Variants in GRM8 observed in about 807,000 individuals in gnomAD.
The protein encoded by GRM8 is glutamate metabotropic receptor 8.
A neutral mutation model predicts 87.2 loss-of-function variants in GRM8; 47 were observed. The observed-to-expected ratio is 0.54, with a 90% CI of 0.43 to 0.69. The LOEUF (loss-of-function observed/expected upper bound fraction) is 0.69. Ranked by LOEUF, GRM8 falls within the 30% of genes least tolerant of loss-of-function variation. The probability of loss-of-function intolerance (pLI) is 0.00; values close to 1 mark genes in which losing one functional copy is unlikely to be tolerated. For synonymous variants in GRM8, 396 were observed against 404.5 expected (o/e 0.98, Z 0.25); for missense variants, 1,019 against 1,139.2 (o/e 0.89, Z 1.52).
rs556407484 is a variant in GRM8, at chr7:127,075,133, C to T, written c.727+31363G>A. Among the ~76,000 whole-genome samples the T allele has an allele frequency of 1.1e-4, 17 of 152,290 alleles. No individual in the cohort carries two copies. In the South Asian group the frequency reaches 2.7e-3, roughly 24 times the overall value. On this transcript the variant is annotated intron_variant, in intron 3 of 10. Transcript: ENST00000339582. ...CCAGAGATTTCTGTGGTAAGAAATG[C>T]TGTCCATAGTTAAGTTCCTAGTAAA...
chr7:127,133,703 C>T (rs1423425639), intron 2 of GRM8, among the ~76,000 whole-genome samples: 1 of 64,134 alleles, frequency 1.6e-5, no homozygotes, highest in African/African-American at 7.4e-5. Context: ...AAGACTCCCT[C>T]TCCAAAAAAA....
intron 3 of GRM8, among the ~76,000 whole-genome samples, chr7:127,078,767 G>T (rs975624294): frequency 6.6e-6 from 1 of 152,186 alleles, no homozygotes; most frequent in African/African-American, 2.4e-5. Context: ...TCTAAATATT[G>T]CTAAAGCACA....
chr7:126,783,434 T>G (rs1315475441), intron 6 of GRM8, among the ~76,000 whole-genome samples: 1 of 152,186 alleles, frequency 6.6e-6, no homozygotes, highest in Non-Finnish European at 1.5e-5. Flanking sequence ...TAAAGTACAG[T>G]AAGGAAAACA....
chr7:126,728,379 G>C (rs1321995164), intron 7 of GRM8, among the ~76,000 whole-genome samples: 1 of 152,050 alleles, frequency 6.6e-6, no homozygotes, highest in African/African-American at 2.4e-5. Flanking sequence ...ACCCCAGCTG[G>C]CTGGCTCACA....
At chr7:126,568,733 A>T (rs1303856889) in intron 8 of GRM8, among the ~76,000 whole-genome samples, 1 of 152,174 alleles carries the variant, frequency 6.6e-6, no homozygotes, top group Non-Finnish European at 1.5e-5. Context: ...AAATAAAGGG[A>T]ATGATTCTTC....
At chr7:126,609,733 T>C (rs1167832175) in intron 7 of GRM8, among the ~76,000 whole-genome samples, 1 of 152,188 alleles carries the variant, frequency 6.6e-6, no homozygotes, top group East Asian at 1.9e-4. Context: ...AAGTAAATGA[T>C]GAGTATCCAA....
intron 6 of GRM8, among the ~76,000 whole-genome samples, chr7:126,899,104 A>AGTGTGTGTGTGT (rs71177573): frequency 0.077 from 10,775 of 140,192 alleles, 479 homozygotes; most frequent in African/African-American, 0.085. Context: ...ACTGGTTAAC[A>AGTGTGTGTGTGT]GTGTGTGTGT....
chr7:126,785,335 T>C (rs1820513555), intron 6 of GRM8, among the ~76,000 whole-genome samples: 1 of 152,142 alleles, frequency 6.6e-6, no homozygotes, highest in African/African-American at 2.4e-5. Flanking sequence ...ACTTCCTTAT[T>C]GCAATGCACA....
chr7:127,212,642 C>A (rs910084701), intron 2 of GRM8, among the ~76,000 whole-genome samples: 2 of 152,054 alleles, frequency 1.3e-5, no homozygotes, highest in Non-Finnish European at 2.9e-5. Context: ...TGGTCTCGAT[C>A]TCCTGACCTC....
chr7:126,773,151 T>C (rs563576844), intron 6 of GRM8, among the ~76,000 whole-genome samples: 2 of 152,238 alleles, frequency 1.3e-5, no homozygotes, highest in South Asian at 2.1e-4. Context: ...AGGTTGTTTG[T>C]ATTGCTGCTC....
At chr7:126,653,837 G>A (rs1804211891) in intron 7 of GRM8, among the ~76,000 whole-genome samples, 2 of 152,202 alleles carry the variant, frequency 1.3e-5, no homozygotes, top group Admixed American at 1.3e-4. Flanking sequence ...AGTAGTAACA[G>A]AGCCTATCCT....
intron 3 of GRM8, among the ~76,000 whole-genome samples, chr7:127,001,938 T>C (rs914703751): frequency 1.3e-5 from 2 of 151,698 alleles, no homozygotes; most frequent in Admixed American, 6.6e-5. Flanking sequence ...CAAAAAAAGA[T>C]AGGCACACTG....
chr7:126,791,243 A>G, intron 6 of GRM8, among the ~76,000 whole-genome samples: 1 of 152,216 alleles, frequency 6.6e-6, no homozygotes, highest in Non-Finnish European at 1.5e-5. Context: ...AAAAACACTT[A>G]ATTTGAGATG....
chr7:126,753,854 G>A (rs76805462), intron 7 of GRM8, among the ~76,000 whole-genome samples: 3,353 of 151,750 alleles, frequency 0.022, 52 homozygotes, highest in Non-Finnish European at 0.037. Flanking sequence ...CTACCCCTCC[G>A]AATCTACATT....
chr7:127,232,183 T>TTGTGTGTGTGTGTGTGTGTGTG lies in GRM8; in HGVS notation c.510+10490_510+10511dup, dbSNP rs71529431. Among the ~76,000 whole-genome samples, 1,124 of 129,540 alleles carry TTGTGTGTGTGTGTGTGTGTGTG rather than the reference T, an allele frequency of 8.7e-3. 13 individuals carry two copies. Among genetic ancestry groups the TTGTGTGTGTGTGTGTGTGTGTG allele is most frequent in the Admixed American group, 0.012 (150 of 12,504 alleles). 85.0% of individuals were successfully genotyped at this position (129,540 alleles called of 152,430 possible). On this transcript the variant is annotated intron_variant, in intron 2 of 10. Transcript: ENST00000339582. ...ACCTGCCATCAGTTCTGTTTCTTCTTTGTGTGTGTGTGTGTGTGTGTGTGT... is the reference window on the plus strand; with the variant it reads ...ACCTGCCATCAGTTCTGTTTCTTCTTTGTGTGTGTGTGTGTGTGTGTGTGTGTGTGTGTGTGTGTGTGTGTGT...
Position 127,038,011 on chromosome 7 carries a change from C to T in GRM8, c.727+68485G>A, listed in dbSNP as rs531503027. On this transcript the variant is annotated intron_variant, in intron 3 of 10. Coordinates refer to ENST00000339582, the MANE Select transcript of GRM8 (RefSeq NM_000845.3). ...ACAGTTACATATGAAATACATGTAT[C>T]ATTTTTGACTATTAATTCGTATGGC... Among the ~76,000 whole-genome samples, 16 of 152,250 alleles carry T rather than the reference C, an allele frequency of 1.1e-4. No homozygotes were observed. In the South Asian group the frequency reaches 3.3e-3, roughly 32 times the overall value.
chr7:126,470,284 C>T (rs1358117269), intron 9 of GRM8, among the ~76,000 whole-genome samples: 1 of 151,238 alleles, frequency 6.6e-6, no homozygotes, highest in Admixed American at 6.6e-5. Flanking sequence ...TGGGGTGCTG[C>T]ACCCATTAAC....
At chr7:126,655,110 G>T (rs1335004201) in intron 7 of GRM8, among the ~76,000 whole-genome samples, 1 of 152,148 alleles carries the variant, frequency 6.6e-6, no homozygotes, top group Non-Finnish European at 1.5e-5. Flanking sequence ...TTTTCAGGAA[G>T]AAAATGTGAT....
intron 3 of GRM8, among the ~76,000 whole-genome samples, chr7:126,986,319 A>G (rs1024189427): frequency 7.9e-5 from 12 of 152,264 alleles, no homozygotes; most frequent in Admixed American, 5.9e-4. Flanking sequence ...CTGTAATCCC[A>G]AGTCACTTTT....
Sources: gnomAD v4.1 joint callset for allele counts (sites outside exome capture counted in the v4.1 genomes callset) on GRCh38, gnomAD v4.1.1 for gene constraint, MANE v1.5 for transcripts, NCBI Gene and HGNC (gene_info 2026-07-23, HGNC 2026-07-21) for gene names.